Variants in PCNX4 observed in about 807,000 individuals in gnomAD.
The protein encoded by PCNX4 is pecanex-like protein 4.
Under a neutral mutation model 107.2 loss-of-function variants are expected in PCNX4, and 103 were observed. The ratio of observed to expected loss-of-function variants is 0.96; its 90% confidence interval spans 0.82 to 1.13. The LOEUF is 1.13. Among genes scored for constraint, PCNX4 ranks in the 50% most tolerant of loss-of-function variants. PCNX4 has a pLI of 0.00. For missense variants in PCNX4, 1,528 were observed against 1,379.4 expected, an observed-to-expected ratio of 1.11 and a Z score of -1.71; for synonymous variants, 541 against 481.7, an observed-to-expected ratio of 1.12 and a Z score of -1.61.
chr14:60,145,914 A>G lies in PCNX4; in HGVS notation c.*11693A>G, dbSNP rs1214038986. 1 of 151,792 alleles carries G rather than the reference A, an allele frequency of 6.6e-6. No individual in the cohort carries two copies. Among genetic ancestry groups the G allele is most frequent in the Non-Finnish European group, 1.5e-5 (1 of 67,940 alleles). The allele number at this position is 151,792 out of a possible 1,614,324, so 9.4% of individuals were successfully genotyped here. ...AAGATTCATAAAAACAAAGTTCCAG[A>G]CATACAGACTAAAGAAGCAAATTCT... On this transcript the variant is annotated 3_prime_UTR_variant, in exon 11 of 11. Transcript: ENST00000406854. The surrounding 1 kb of genome is among the most constrained non-coding windows in gnomAD (Gnocchi z 4.0).
Position 60,147,297 on chromosome 14 carries a change from C to G in PCNX4, c.*13076C>G, listed in dbSNP as rs1312316245. On this transcript the variant is annotated 3_prime_UTR_variant, in exon 11 of 11. Coordinates refer to ENST00000406854, the MANE Select transcript of PCNX4 (RefSeq NM_001330177.2). Reference sequence around the variant, plus strand: ...AAATAACTTATGTTATTATAATTTACAGATTCTAAGGATCTAATATACCGC... The same window carrying G: ...AAATAACTTATGTTATTATAATTTAGAGATTCTAAGGATCTAATATACCGC... 5.9e-5 allele frequency: 9 copies of G among 152,226 alleles called. No individual in the cohort carries two copies. In the East Asian group the frequency reaches 1.7e-3, roughly 29 times the overall value. 9.4% of individuals were successfully genotyped at this position (152,226 alleles called of 1,614,324 possible).
At chr14:60,102,186 A>T (rs570271434) in intron 1 of PCNX4, among the ~76,000 whole-genome samples, 1 of 152,316 alleles carries the variant, frequency 6.6e-6, no homozygotes, top group East Asian at 1.9e-4. Context: ...ACTGTATTGT[A>T]CACTTAAATG....
chr14:60,129,879 T>A (rs569283286), intron 10 of PCNX4, among the ~76,000 whole-genome samples: 2 of 152,138 alleles, frequency 1.3e-5, no homozygotes, highest in Admixed American at 1.3e-4. Flanking sequence ...TTAAATGGCA[T>A]ATTACAAAAT....
intron 1 of PCNX4, among the ~76,000 whole-genome samples, chr14:60,100,906 C>T (rs1439542721): frequency 1.3e-5 from 2 of 152,202 alleles, no homozygotes; most frequent in African/African-American, 4.8e-5. Context: ...CCCCTTTCCC[C>T]TTTGTTTTCC....
intron 10 of PCNX4, among the ~76,000 whole-genome samples, chr14:60,130,708 A>G (rs1438662369): frequency 2.0e-5 from 3 of 152,226 alleles, no homozygotes; most frequent in African/African-American, 7.2e-5. Context: ...GGAAGCCAGT[A>G]GAGGCAAAGC....
chr14:60,131,182 C>G (rs1896148526), intron 10 of PCNX4, among the ~76,000 whole-genome samples: 1 of 152,138 alleles, frequency 6.6e-6, no homozygotes, highest in African/African-American at 2.4e-5. Flanking sequence ...GTCACCTAGT[C>G]TATGGTATTT....
In PCNX4 at chr14:60,104,203, C is replaced by A. The variant is rs186519347; in HGVS notation, c.-53-3383C>A. Among the ~76,000 whole-genome samples, 6 of 151,818 alleles carry A rather than the reference C, an allele frequency of 4.0e-5. No homozygotes were observed. In the East Asian group the frequency reaches 1.2e-3, roughly 29 times the overall value. ...GTGTGGTGGCACACACCTGTAATCC[C>A]AGCTACTCAGGAGGCTGAGGCAGGA... On this transcript the variant is annotated intron_variant, in intron 1 of 10. Coordinates refer to ENST00000406854, the MANE Select transcript of PCNX4 (RefSeq NM_001330177.2).
At chr14:60,123,039 G>T (rs952391748) in intron 8 of PCNX4, among the ~76,000 whole-genome samples, 1 of 152,042 alleles carries the variant, frequency 6.6e-6, no homozygotes, top group Non-Finnish European at 1.5e-5. Context: ...TTCAAACAGC[G>T]CTCCGAGTGA....
In PCNX4 at chr14:60,092,228, A is replaced by T. The variant is rs1895311949; in HGVS notation, c.-245A>T. The stretch of plus-strand genomic sequence containing the variant: ...CTCCGGGTGGCGGCCGCCGGAGTAG[A>T]CGTTAGCCATGGAAACCGAGAGCTG... On this transcript the variant is annotated 5_prime_UTR_variant, in exon 1 of 11. Coordinates refer to ENST00000406854, the MANE Select transcript of PCNX4 (RefSeq NM_001330177.2). The T allele has an allele frequency of 6.6e-6, 1 of 152,252 alleles. No individual in the cohort carries two copies. The highest frequency in any genetic ancestry group is 2.4e-5 in the African/African-American group (1 of 41,462). The allele number at this position is 152,252 out of a possible 1,614,324, so 9.4% of individuals were successfully genotyped here.
At chr14:60,120,801 A>G (rs1232982518) in intron 7 of PCNX4, among the ~76,000 whole-genome samples, 1 of 152,204 alleles carries the variant, frequency 6.6e-6, no homozygotes, top group Non-Finnish European at 1.5e-5. Flanking sequence ...AAACCACAAA[A>G]CACTTTTTAT....
chr14:60,119,212 C>T (rs1196056218), intron 7 of PCNX4, among the ~76,000 whole-genome samples: 1 of 152,090 alleles, frequency 6.6e-6, no homozygotes, highest in Non-Finnish European at 1.5e-5. Flanking sequence ...GGTAGCCTCC[C>T]AAAATGAAAT....
chr14:60,118,446 T>C lies in PCNX4; in HGVS notation c.1696T>C (p.Cys566Arg). ...KQRRKTTATL[C>R]ILNIVFSPFV... ...ACGTCGAAAAACAACTGCCACTTTA[T>C]GTATACTCAACATTGTCTTTTCTCC... The change falls in exon 7 of 11, where the codon TGT becomes CGT. Residue 566 changes from cysteine to arginine, a missense_variant. Physicochemically the swap from Cys to Arg is radical, Grantham distance 180 (BLOSUM62 -3). Transcript: ENST00000406854. 1 of 1,613,788 alleles carries C rather than the reference T, an allele frequency of 6.2e-7. No homozygotes were observed. The highest frequency in any genetic ancestry group is 8.5e-7 in the Non-Finnish European group (1 of 1,179,802).
rs371218746 is a variant in PCNX4, at chr14:60,115,697, C to T, written c.1358-22C>T. 6.9e-6 allele frequency: 11 copies of T among 1,588,202 alleles called. No homozygotes were observed. The Middle Eastern group carries it at 5.3e-4, about 76-fold the overall frequency. On this transcript the variant is annotated intron_variant, in intron 4 of 10. Transcript: ENST00000406854. ...GAGCTATTTTGCCTTAATTAAATTT[C>T]TCTCTTTTTGTTTTGTTTTAGTATC...
At position 60,106,591 on chromosome 14, in the gene PCNX4, G is replaced by A. The variant is rs552144604; in HGVS notation, c.-53-995G>A. Among the ~76,000 whole-genome samples, 100 of 152,258 alleles carry A rather than the reference G, an allele frequency of 6.6e-4. No homozygotes were observed. The South Asian group carries it at 7.7e-3, about 12-fold the overall frequency. On this transcript the variant is annotated intron_variant, in intron 1 of 10. Coordinates refer to ENST00000406854, the MANE Select transcript of PCNX4 (RefSeq NM_001330177.2). ...GACTGGAAGATGTAAGAAGATAGATGTTTACAATTTTAAAAACTCCATAGA... is the reference window on the plus strand; with the variant it reads ...GACTGGAAGATGTAAGAAGATAGATATTTACAATTTTAAAAACTCCATAGA...
chr14:60,114,821 G>A lies in PCNX4; in HGVS notation c.811G>A (p.Ala271Thr), dbSNP rs1895810501. Residue 271 changes from alanine to threonine, a missense_variant, in exon 3 of 11, where the codon GCA becomes ACA. Transcript: ENST00000406854. ...LPPPDALLLW[A>T]MEQVLEFGLG... ...CCCACCCGATGCACTTCTCTTATGGGCAATGGAGCAGGTTTTAGAGTTCGG... is the reference window on the plus strand; with the variant it reads ...CCCACCCGATGCACTTCTCTTATGGACAATGGAGCAGGTTTTAGAGTTCGG... 6.2e-7 allele frequency: 1 copy of A among 1,613,662 alleles called. No individual in the cohort carries two copies. Among genetic ancestry groups the A allele is most frequent in the Non-Finnish European group, 8.5e-7 (1 of 1,179,842 alleles).
intron 1 of PCNX4, among the ~76,000 whole-genome samples, chr14:60,093,272 C>A (rs10151577): frequency 0.014 from 2,058 of 152,230 alleles, 48 homozygotes; most frequent in African/African-American, 0.047. Flanking sequence ...TAGAATTGTG[C>A]AACCCTTACC....
rs771208461 is a variant in PCNX4 at position 60,107,693 on chromosome 14, C to T, written c.55C>T (p.Arg19Cys). 8.1e-6 allele frequency: 13 copies of T among 1,612,684 alleles called. No homozygotes were observed. The highest frequency in any genetic ancestry group is 4.0e-5 in the African/African-American group (3 of 74,902). The part of the protein sequence containing the change: ...NDYKQDFFLK[R>C]FPQTVLGGPR... ...TTACAAGCAGGACTTCTTTCTGAAG[C>T]GCTTTCCACAGACTGTTCTTGGAGG... The change falls in exon 2 of 11, where the codon CGC becomes TGC. Residue 19 changes from arginine (R) to cysteine (C), a missense_variant. Transcript: ENST00000406854.
At chr14:60,116,640 C>A (rs148383171) in intron 6 of PCNX4, among the ~76,000 whole-genome samples, 8 of 152,230 alleles carry the variant, frequency 5.3e-5, no homozygotes, top group Admixed American at 4.6e-4. Context: ...TGACAATAAG[C>A]AACTACTGGT....
chr14:60,118,823 CA>C, intron 7 of PCNX4, 131 bp downstream of exon 7: 1 of 973,488 alleles, frequency 1.0e-6, no homozygotes. Flanking sequence ...GATGTGTAGG[CA>C]GAAAGACTAA....
Sources: allele counts gnomAD v4.1 joint callset (sites outside exome capture counted in the v4.1 genomes callset), GRCh38; gene constraint gnomAD v4.1.1; non-coding constraint Gnocchi (gnomAD v3.1); transcripts MANE v1.5; gene names NCBI Gene and HGNC (gene_info 2026-07-23, HGNC 2026-07-21).